The following NDUFAF6 variants were observed in gnomAD, a reference collection of about 807,000 sequenced individuals.
NDUFAF6 encodes the protein NADH:ubiquinone oxidoreductase complex assembly factor 6, also known as NADH dehydrogenase (ubiquinone) complex I, assembly factor 6.
Under a neutral mutation model 40.8 loss-of-function variants are expected in NDUFAF6, and 45 were observed. The observed-to-expected ratio is 1.10, with a 90% CI of 0.87 to 1.42. The LOEUF is 1.42. Among genes scored for constraint, NDUFAF6 ranks in the 40% most tolerant of loss-of-function variants. The pLI, the probability that NDUFAF6 is intolerant of heterozygous loss-of-function variation, is 0.00. For missense variants in NDUFAF6, 435 were observed against 418.5 expected, an observed-to-expected ratio of 1.04 and a Z score of -0.34; for synonymous variants, 185 against 155.9, an observed-to-expected ratio of 1.19 and a Z score of -1.39.
upstream of NDUFAF6, among the ~76,000 whole-genome samples, chr8:95,098,733 C>T (rs1809553682): frequency 6.6e-6 from 1 of 152,012 alleles, no homozygotes; most frequent in Non-Finnish European, 1.5e-5. Context: ...AGTACTGGAT[C>T]TAATTCAAAG....
intron 2 of NDUFAF6, among the ~76,000 whole-genome samples, chr8:95,014,006 C>T (rs117007497): frequency 0.012 from 1,867 of 152,206 alleles, 83 homozygotes; most frequent in Admixed American, 0.09. Flanking sequence ...CTTCTATGAG[C>T]CAAGGAACAC....
chr8:95,115,490 T>C (rs1216558023), intron 4 of NDUFAF6: 1 of 152,050 alleles, frequency 6.6e-6, no homozygotes, highest in Non-Finnish European at 1.5e-5. Context: ...CTTGCTTCTC[T>C]GATTGAAAAC....
chr8:95,031,894 C>A, intron 1 of NDUFAF6, 101 bp from the exon 2 acceptor site: 2 of 1,184,428 alleles, frequency 1.7e-6, no homozygotes, highest in Non-Finnish European at 2.5e-6. Flanking sequence ...AGCTACCGCG[C>A]CCAACTTGAA....
upstream of NDUFAF6, among the ~76,000 whole-genome samples, chr8:94,953,692 T>C (rs1191278416): frequency 6.6e-6 from 1 of 152,258 alleles, no homozygotes; most frequent in African/African-American, 2.4e-5. Context: ...GGTGACAGCA[T>C]GAGTGCAAGT....
intron 1 of NDUFAF6, among the ~76,000 whole-genome samples, chr8:94,980,224 T>G (rs539411656): frequency 1.1e-4 from 16 of 150,186 alleles, no homozygotes; most frequent in African/African-American, 3.6e-4. Context: ...TATATATATA[T>G]ATATTTTAAA....
rs544822193 is a variant in NDUFAF6 at position 94,934,713 on chromosome 8, G to T, written c.-935-10770G>T. Among the ~76,000 whole-genome samples the T allele has an allele frequency of 5.9e-5, 9 of 151,950 alleles. 1 individual carries two copies. In the East Asian group the frequency reaches 1.2e-3, roughly 20 times the overall value. ...AATTCTTGAGTGGCATTCCTCAGAGGTAAAATCATAATCAGAAGGGAAGAA... is the reference window on the plus strand; with the variant it reads ...AATTCTTGAGTGGCATTCCTCAGAGTTAAAATCATAATCAGAAGGGAAGAA... On this transcript the variant is annotated intron_variant, in intron 1 of 14. Coordinates refer to the NDUFAF6 transcript ENST00000396113.
At chr8:94,965,541 A>G (rs953633704) in intron 1 of NDUFAF6, among the ~76,000 whole-genome samples, 1 of 152,252 alleles carries the variant, frequency 6.6e-6, no homozygotes, top group African/African-American at 2.4e-5. Context: ...TAAGTTGTGA[A>G]GAGGCTGTGG....
chr8:94,977,355 T>A (rs10098025), intron 1 of NDUFAF6, among the ~76,000 whole-genome samples: 23,277 of 150,888 alleles, frequency 0.15, 1,909 homozygotes, highest in Middle Eastern at 0.24. Flanking sequence ...TTACAAAAAA[T>A]TTTTTTTAAT....
chr8:94,962,008 C>A (rs1200974287), intron 1 of NDUFAF6, among the ~76,000 whole-genome samples: 1 of 152,240 alleles, frequency 6.6e-6, no homozygotes, highest in Non-Finnish European at 1.5e-5. Context: ...CACTTCTCCA[C>A]TTTGTCCTTT....
At chr8:95,002,992 A>G (rs550303850) in intron 2 of NDUFAF6, among the ~76,000 whole-genome samples, 3 of 152,326 alleles carry the variant, frequency 2.0e-5, no homozygotes, top group African/African-American at 7.2e-5. Context: ...GGCTTACATC[A>G]TCTCAGCTGT....
intron 2 of NDUFAF6, chr8:94,950,097 G>A (rs1466580516): frequency 1.3e-5 from 2 of 152,470 alleles, no homozygotes; most frequent in African/African-American, 4.8e-5. Context: ...AGCAGGCTCG[G>A]GGGCCTCTGC....
chr8:94,930,307 G>A, intron 1 of NDUFAF6: 1 of 855,786 alleles, frequency 1.2e-6, no homozygotes, highest in Non-Finnish European at 1.8e-6. Flanking sequence ...AAGGCATTAT[G>A]TGATACACAG....
chr8:94,933,201 G>A (rs1266844642), intron 1 of NDUFAF6, among the ~76,000 whole-genome samples: 1 of 152,208 alleles, frequency 6.6e-6, no homozygotes, highest in Admixed American at 6.5e-5. Context: ...GGGCAACAGT[G>A]AGACTCCGTG....
At chr8:95,063,315 T>C (rs556512515), downstream of NDUFAF6, among the ~76,000 whole-genome samples, 1 of 152,334 alleles carries the variant, frequency 6.6e-6, no homozygotes, top group East Asian at 1.9e-4. Flanking sequence ...CCTCCACAAA[T>C]ACTGTTTTCC....
At chr8:94,913,809 C>T (rs1372934217) in intron 1 of NDUFAF6, among the ~76,000 whole-genome samples, 1 of 151,902 alleles carries the variant, frequency 6.6e-6, no homozygotes, top group African/African-American at 2.4e-5. Context: ...TTTTTTTTCT[C>T]GAGACCAAGT....
chr8:94,991,352 C>T (rs1439926855), intron 2 of NDUFAF6, among the ~76,000 whole-genome samples: 2 of 152,174 alleles, frequency 1.3e-5, no homozygotes, highest in African/African-American at 2.4e-5. Context: ...CTTGTGTTTG[C>T]TCAGGCAACA....
chr8:95,000,711 A>G (rs929790097), intron 2 of NDUFAF6, among the ~76,000 whole-genome samples: 8 of 151,778 alleles, frequency 5.3e-5, no homozygotes, highest in Non-Finnish European at 1.0e-4. Flanking sequence ...TGAGGCGGTC[A>G]GACTGCTGGA....
chr8:94,966,666 C>T (rs1824036534), intron 1 of NDUFAF6, among the ~76,000 whole-genome samples: 1 of 152,160 alleles, frequency 6.6e-6, no homozygotes, highest in African/African-American at 2.4e-5. Flanking sequence ...CAGAGTTCAG[C>T]AGTGAGGCTT....
At chr8:95,030,795 G>GT (rs1485468212) in intron 1 of NDUFAF6, among the ~76,000 whole-genome samples, 2 of 152,158 alleles carry the variant, frequency 1.3e-5, no homozygotes, top group African/African-American at 4.8e-5. Flanking sequence ...AAGAAAAGAG[G>GT]TTTCTTTGAC....
Sources: gnomAD v4.1 joint callset for allele counts (sites outside exome capture counted in the v4.1 genomes callset) on GRCh38, gnomAD v4.1.1 for gene constraint, MANE v1.5 for transcripts, NCBI Gene and HGNC (gene_info 2026-07-23, HGNC 2026-07-21) for gene names.